RUNX1T1: variants seen among roughly 807,000 people sequenced by gnomAD.
RUNX1T1 encodes protein CBFA2T1.
In RUNX1T1, 4 loss-of-function variants were observed where a neutral mutation model predicts 62.8. The observed-to-expected ratio is 0.06, with a 90% confidence interval of 0.03 to 0.15. The LOEUF (loss-of-function observed/expected upper bound fraction) is 0.15. RUNX1T1 is among the 10% of genes least tolerant of loss of function. RUNX1T1 has a pLI of 1.00. For missense variants in RUNX1T1, 508 were observed against 754.3 expected (o/e 0.67, Z 3.82); for synonymous variants, 291 against 286.0 (o/e 1.02, Z -0.18).
chr8:91,967,787 T>G (rs757813802), intron 10 of RUNX1T1, among the ~76,000 whole-genome samples: 11 of 152,136 alleles, frequency 7.2e-5, no homozygotes, highest in Non-Finnish European at 1.6e-4. Context: ...ATACGTTGTT[T>G]TAGATTTGGA....
At chr8:92,054,319 G>A (rs1407274669) in intron 1 of RUNX1T1, among the ~76,000 whole-genome samples, 1 of 152,094 alleles carries the variant, frequency 6.6e-6, no homozygotes, top group Non-Finnish European at 1.5e-5. Context: ...TCAAGCATAG[G>A]CAAAACTCAG....
At chr8:92,035,613 T>C (rs867468235) in intron 1 of RUNX1T1, among the ~76,000 whole-genome samples, 2 of 152,158 alleles carry the variant, frequency 1.3e-5, no homozygotes, top group Middle Eastern at 3.4e-3. Context: ...CTTAATAGAG[T>C]TTCTACATCA....
intron 1 of RUNX1T1, among the ~76,000 whole-genome samples, chr8:92,024,342 C>T (rs1042819229): frequency 2.0e-5 from 3 of 151,838 alleles, no homozygotes; most frequent in African/African-American, 7.3e-5. Flanking sequence ...AGCCCTGTCT[C>T]TACAAAAAAT....
chr8:92,099,834 A>G (rs1351952052), upstream of RUNX1T1: 1 of 175,634 alleles, frequency 5.7e-6, no homozygotes, highest in East Asian at 1.9e-4. Context: ...CTTTCTTGTG[A>G]TCCTTTTTCA....
At chr8:92,038,009 T>C (rs1329771906) in intron 1 of RUNX1T1, among the ~76,000 whole-genome samples, 1 of 151,790 alleles carries the variant, frequency 6.6e-6, no homozygotes, top group African/African-American at 2.4e-5. Context: ...TTCACCCCTT[T>C]GTTTCCTTCC....
chr8:91,989,531 A>C (rs1039766630), intron 6 of RUNX1T1, among the ~76,000 whole-genome samples: 9 of 152,242 alleles, frequency 5.9e-5, no homozygotes, highest in Non-Finnish European at 1.0e-4. Context: ...TACTTGATGA[A>C]AACATAATCA....
At chr8:92,019,868 A>T (rs1465438911) in intron 1 of RUNX1T1, among the ~76,000 whole-genome samples, 1 of 152,182 alleles carries the variant, frequency 6.6e-6, no homozygotes, top group East Asian at 1.9e-4. Flanking sequence ...CAGAACAGCA[A>T]CATCATCATC....
At chr8:92,055,021 T>C (rs980735007) in intron 1 of RUNX1T1, among the ~76,000 whole-genome samples, 1 of 151,754 alleles carries the variant, frequency 6.6e-6, no homozygotes, top group Non-Finnish European at 1.5e-5. Context: ...AATAAATAAA[T>C]TAAAAAAATA....
intron 1 of RUNX1T1, among the ~76,000 whole-genome samples, chr8:92,043,382 C>T (rs543529162): frequency 2.0e-3 from 295 of 150,758 alleles, no homozygotes; most frequent in Non-Finnish European, 3.3e-3. Flanking sequence ...TCTTAACAAC[C>T]AAAAAAGTAT....
downstream of RUNX1T1, chr8:91,958,638 T>TAA (rs1254866054): frequency 1.2e-4 from 15 of 129,886 alleles, no homozygotes; most frequent in African/African-American, 2.5e-4. Flanking sequence ...AATAATGATT[T>TAA]AAAAAAAAAA....
chr8:92,042,779 G>A (rs1273768580), intron 1 of RUNX1T1, among the ~76,000 whole-genome samples: 1 of 152,198 alleles, frequency 6.6e-6, no homozygotes, highest in East Asian at 1.9e-4. Flanking sequence ...TGTAATCTGA[G>A]AATCTGAACA....
At chr8:91,987,575 T>G (rs1413570127) in intron 6 of RUNX1T1, among the ~76,000 whole-genome samples, 1 of 152,136 alleles carries the variant, frequency 6.6e-6, no homozygotes, top group Non-Finnish European at 1.5e-5. Flanking sequence ...AAATTGGATA[T>G]TCTTCAAAAA....
At chr8:92,077,502 A>G (rs908277844) in intron 1 of RUNX1T1, among the ~76,000 whole-genome samples, 2 of 152,090 alleles carry the variant, frequency 1.3e-5, no homozygotes, top group Non-Finnish European at 2.9e-5. Flanking sequence ...AAATATGATT[A>G]TTTCTGGAAG....
At chr8:92,063,790 G>A (rs1414875231), upstream of RUNX1T1, among the ~76,000 whole-genome samples, 1 of 152,086 alleles carries the variant, frequency 6.6e-6, no homozygotes, top group African/African-American at 2.4e-5. Context: ...TCTTTCCTAG[G>A]TCTGTGTTTG....
chr8:92,078,420 T>TG (rs1834752566), intron 1 of RUNX1T1, among the ~76,000 whole-genome samples: 1 of 152,148 alleles, frequency 6.6e-6, no homozygotes, highest in African/African-American at 2.4e-5. Context: ...CTTTAATAAT[T>TG]GCTTTGTTCA....
At chr8:92,046,314 TAAG>T (rs1268625082) in intron 1 of RUNX1T1, among the ~76,000 whole-genome samples, 1 of 152,136 alleles carries the variant, frequency 6.6e-6, no homozygotes, top group African/African-American at 2.4e-5. Context: ...CGGTTTATAA[TAAG>T]ACTCTCAAAT....
At chr8:92,066,188 T>C (rs192247981), upstream of RUNX1T1, among the ~76,000 whole-genome samples, 407 of 152,324 alleles carry the variant, frequency 2.7e-3, no homozygotes, top group Admixed American at 4.2e-3. Flanking sequence ...AGGCACTCAA[T>C]GATCACCCAA....
chr8:92,058,800 T>A (rs895370003), intron 1 of RUNX1T1, among the ~76,000 whole-genome samples: 2 of 152,206 alleles, frequency 1.3e-5, no homozygotes, highest in African/African-American at 4.8e-5. Flanking sequence ...ATAAGATAGT[T>A]AATAAACATT....
chr8:91,994,465 G>A (rs531776423), intron 5 of RUNX1T1: 16 of 327,160 alleles, frequency 4.9e-5, no homozygotes, highest in East Asian at 1.2e-4. Flanking sequence ...GGCTATGAAC[G>A]TAATGCTAAC....
Sources: allele counts gnomAD v4.1 joint callset (sites outside exome capture counted in the v4.1 genomes callset), GRCh38; gene constraint gnomAD v4.1.1; transcripts MANE v1.5; gene names NCBI Gene and HGNC (gene_info 2026-07-23, HGNC 2026-07-21).